Variants in PRKN observed in about 807,000 individuals in gnomAD.
PRKN encodes the protein E3 ubiquitin-protein ligase parkin.
A neutral mutation model predicts 59.5 loss-of-function variants in PRKN; 56 were observed. That is an observed-to-expected ratio of 0.94 (90% CI 0.76 to 1.18). PRKN has a LOEUF of 1.18. PRKN is among the 50% of genes most tolerant of loss of function. The probability of loss-of-function intolerance (pLI) is 0.00; values close to 1 mark genes in which losing one functional copy is unlikely to be tolerated. For missense variants in PRKN, 657 were observed against 596.4 expected (o/e 1.10, Z -1.06); for synonymous variants, 250 against 222.1 (o/e 1.13, Z -1.12).
In PRKN at chr6:162,467,175, C is replaced by T. The variant is rs527768100; in HGVS notation, c.8-23702G>A. Among the ~76,000 whole-genome samples the T allele has an allele frequency of 4.6e-5, 7 of 152,206 alleles. No homozygotes were observed. The East Asian group carries it at 1.4e-3, about 29-fold the overall frequency. ...ATCCTTTCACTCGGCACACCCTAAC[C>T]TTTTTCCCTTCTTCCTTTTTCTCCA... is the stretch of plus-strand genomic sequence containing the variant. On this transcript the variant is annotated intron_variant, in intron 1 of 11. Coordinates refer to ENST00000366898, the MANE Select transcript of PRKN (RefSeq NM_004562.3).
rs538269151 is a variant in PRKN at position 161,908,989 on chromosome 6, A to G, written c.734+64313T>C. Among the ~76,000 whole-genome samples the G allele has an allele frequency of 2.0e-5, 3 of 152,348 alleles. No homozygotes were observed. In the East Asian group the frequency reaches 5.8e-4, roughly 29 times the overall value. On this transcript the variant is annotated intron_variant, in intron 6 of 11. Transcript: ENST00000366898. ...TGATTAAAAAAATAAAATAAATTGAAGAGAGGCCTGTAATGTAAGGGGCGC... is the reference window on the plus strand; with the variant it reads ...TGATTAAAAAAATAAAATAAATTGAGGAGAGGCCTGTAATGTAAGGGGCGC...
chr6:162,652,636 C>G (rs2128226811), intron 1 of PRKN, among the ~76,000 whole-genome samples: 1 of 152,184 alleles, frequency 6.6e-6, no homozygotes, highest in African/African-American at 2.4e-5. Flanking sequence ...ACCCATGCCA[C>G]TCTTCTATTA....
At chr6:161,675,944 C>G (rs1438294827) in intron 7 of PRKN, among the ~76,000 whole-genome samples, 1 of 152,232 alleles carries the variant, frequency 6.6e-6, no homozygotes, top group African/African-American at 2.4e-5. Context: ...TCAGGTGAGG[C>G]TGCTTCAGGT....
rs1031448773 is a variant in PRKN at position 162,330,283 on chromosome 6, C to T, written c.172-67518G>A. On this transcript the variant is annotated intron_variant, in intron 2 of 11. Transcript: ENST00000366898. ...TTTTTCTTGGTGCTGTCTTGGGAAGCGGCATAGTATGGTGGTATCTTCTGA... is the reference window on the plus strand; with the variant it reads ...TTTTTCTTGGTGCTGTCTTGGGAAGTGGCATAGTATGGTGGTATCTTCTGA... Among the ~76,000 whole-genome samples, 6 of 152,092 alleles carry T rather than the reference C, an allele frequency of 3.9e-5. No homozygotes were observed. The East Asian group carries it at 5.8e-4, about 15-fold the overall frequency.
At chr6:162,511,236 T>C (rs1777603020) in intron 1 of PRKN, among the ~76,000 whole-genome samples, 1 of 152,092 alleles carries the variant, frequency 6.6e-6, no homozygotes, top group Non-Finnish European at 1.5e-5. Flanking sequence ...AAGCTACCAC[T>C]CTTTGGTATT....
chr6:161,649,554 T>C (rs1562583051), intron 7 of PRKN, among the ~76,000 whole-genome samples: 1 of 152,214 alleles, frequency 6.6e-6, no homozygotes, highest in African/African-American at 2.4e-5. Context: ...AGGTTCAGAA[T>C]GGTTTAGAGA....
At position 161,518,239 on chromosome 6, in the gene PRKN, C is replaced by A. The variant is rs1162063788; in HGVS notation, c.1083+30615G>T. 6.6e-6 allele frequency among the ~76,000 whole-genome samples: 1 copy of A among 152,226 alleles called. No individual in the cohort carries two copies. The highest frequency in any genetic ancestry group is 1.5e-5 in the Non-Finnish European group (1 of 68,038). On this transcript the variant is annotated intron_variant, in intron 9 of 11. Coordinates refer to ENST00000366898, the MANE Select transcript of PRKN (RefSeq NM_004562.3). This position sits in a 1 kb window ranked among gnomAD's most constrained non-coding sequence, Gnocchi z 5.0. ...GTGCATGAGAGGGGGACTGCCCCCACCCTGCATATCTGCTGGCGCTGAAAT... is the reference window on the plus strand; with the variant it reads ...GTGCATGAGAGGGGGACTGCCCCCAACCTGCATATCTGCTGGCGCTGAAAT...
At chr6:162,463,232 G>A in intron 1 of PRKN, among the ~76,000 whole-genome samples, 1 of 152,026 alleles carries the variant, frequency 6.6e-6, no homozygotes, top group East Asian at 1.9e-4. Context: ...CTAACCTATT[G>A]CAAATGATTA....
At chr6:162,653,112 T>C (rs1441827564) in intron 1 of PRKN, among the ~76,000 whole-genome samples, 1 of 152,238 alleles carries the variant, frequency 6.6e-6, no homozygotes, top group Non-Finnish European at 1.5e-5. Context: ...GGTTTCTTGC[T>C]CTAGAGAATT....
chr6:162,371,925 G>C (rs1169803329), intron 2 of PRKN, among the ~76,000 whole-genome samples: 1 of 152,182 alleles, frequency 6.6e-6, no homozygotes, highest in Non-Finnish European at 1.5e-5. Flanking sequence ...GCTTGCTGAA[G>C]TGGAAACATT....
chr6:162,115,946 C>T (rs1583055349), intron 4 of PRKN, among the ~76,000 whole-genome samples: 1 of 152,306 alleles, frequency 6.6e-6, no homozygotes, highest in South Asian at 2.1e-4. Flanking sequence ...CACTGGGAAT[C>T]CAGAGATGTT....
At chr6:161,641,992 G>T (rs749450433) in intron 7 of PRKN, among the ~76,000 whole-genome samples, 3 of 152,178 alleles carry the variant, frequency 2.0e-5, no homozygotes, top group Non-Finnish European at 4.4e-5. Context: ...GTGTGGGGAA[G>T]CAATTCTCTA....
rs916881913 is a variant in PRKN, at chr6:162,225,904, A to ATATATATATATATG, written c.413-24653_413-24652insCATATATATATATA. Among the ~76,000 whole-genome samples the ATATATATATATATG allele has an allele frequency of 2.0e-5, 3 of 148,884 alleles. No homozygotes were observed. In the South Asian group the frequency reaches 6.3e-4, roughly 31 times the overall value. On this transcript the variant is annotated intron_variant, in intron 3 of 11. Coordinates refer to ENST00000366898, the MANE Select transcript of PRKN (RefSeq NM_004562.3). Reference sequence around the variant, plus strand: ...TAGGGCTGTATATATATATATATATATACTTTTGTTATATATTTATACTTC... The same window carrying ATATATATATATATG: ...TAGGGCTGTATATATATATATATATATATATATATATATGTACTTTTGTTATATATTTATACTTC...
At chr6:161,906,249 G>A (rs1778140625) in intron 6 of PRKN, among the ~76,000 whole-genome samples, 1 of 152,154 alleles carries the variant, frequency 6.6e-6, no homozygotes, top group African/African-American at 2.4e-5. Context: ...TTGAAAAGTT[G>A]CATGGAAGAT....
intron 6 of PRKN, among the ~76,000 whole-genome samples, chr6:161,898,661 T>C (rs1266284871): frequency 6.6e-6 from 1 of 152,196 alleles, no homozygotes; most frequent in Non-Finnish European, 1.5e-5. Flanking sequence ...TGGGCGAAGC[T>C]ATCTGGGTAG....
At chr6:162,536,593 C>T (rs572981626) in intron 1 of PRKN, among the ~76,000 whole-genome samples, 5 of 111,794 alleles carry the variant, frequency 4.5e-5, no homozygotes, top group African/African-American at 1.2e-4. Flanking sequence ...CCTACCTACT[C>T]CTCTCATTGC....
At chr6:161,439,628 A>C (rs1347358022) in intron 9 of PRKN, among the ~76,000 whole-genome samples, 3 of 152,018 alleles carry the variant, frequency 2.0e-5, no homozygotes, top group Non-Finnish European at 2.9e-5. Flanking sequence ...TCTCCGAGCG[A>C]TTCCATCTAC....
At chr6:162,386,486 C>T (rs910392679) in intron 2 of PRKN, among the ~76,000 whole-genome samples, 3 of 152,194 alleles carry the variant, frequency 2.0e-5, no homozygotes, top group African/African-American at 7.2e-5. Flanking sequence ...AAAGTCCACT[C>T]GTACTTGTCA....
intron 6 of PRKN, among the ~76,000 whole-genome samples, chr6:161,854,796 G>C (rs1793578118): frequency 6.6e-6 from 1 of 152,012 alleles, no homozygotes; most frequent in Non-Finnish European, 1.5e-5. Context: ...CTAGAAAAGT[G>C]GTTCTCGGCC....
Sources: gnomAD v4.1 joint callset for allele counts (sites outside exome capture counted in the v4.1 genomes callset) on GRCh38, gnomAD v4.1.1 for gene constraint, Gnocchi (gnomAD v3.1) non-coding constraint, MANE v1.5 for transcripts, NCBI Gene and HGNC (gene_info 2026-07-23, HGNC 2026-07-21) for gene names.